The following ROCK2 variants were observed in gnomAD, a reference collection of about 807,000 sequenced individuals.
ROCK2 encodes the protein rho-associated protein kinase 2.
ROCK2 carries 61 observed loss-of-function variants against 195.1 expected under a neutral mutation model. The observed-to-expected ratio is 0.31, with a 90% CI of 0.25 to 0.39. The LOEUF (loss-of-function observed/expected upper bound fraction) is 0.39. ROCK2 is among the 10% of genes least tolerant of loss of function. ROCK2 has a pLI of 1.00. For synonymous variants in ROCK2, 504 were observed against 545.5 expected, an observed-to-expected ratio of 0.92 and a Z score of 1.06; for missense variants, 1,109 against 1,637.4, an observed-to-expected ratio of 0.68 and a Z score of 5.57.
At chr2:11,193,405 T>C (rs1018314188) in intron 30 of ROCK2, among the ~76,000 whole-genome samples, 3 of 151,978 alleles carry the variant, frequency 2.0e-5, no homozygotes, top group Admixed American at 6.6e-5. Flanking sequence ...AGGTACAAAA[T>C]TTACCTCCAT....
intron 32 of ROCK2, chr2:11,184,667 CCATTT>C (rs1385529003): frequency 1.6e-5 from 16 of 984,654 alleles, no homozygotes; most frequent in Non-Finnish European, 1.8e-5. Flanking sequence ...TTGATTTACC[CCATTT>C]ATTTCTTCAG....
At position 11,180,979 on chromosome 2, in the gene ROCK2, A is replaced by G. The variant is rs911415094; in HGVS notation, c.*2458T>C. On this transcript the variant is annotated 3_prime_UTR_variant, in exon 33 of 33. Coordinates refer to ENST00000315872, the MANE Select transcript of ROCK2 (RefSeq NM_004850.5). Reference sequence around the variant, plus strand: ...AATGTGAAGAATCTCCATGGGAGAGATTTTTTTTTCACCCTTCAGAATTAT... The same window carrying G: ...AATGTGAAGAATCTCCATGGGAGAGGTTTTTTTTTCACCCTTCAGAATTAT... 6.6e-6 allele frequency: 1 copy of G among 150,916 alleles called. No homozygotes were observed. Among genetic ancestry groups the G allele is most frequent in the African/African-American group, 2.4e-5 (1 of 41,158 alleles). 9.3% of individuals were successfully genotyped at this position (150,916 alleles called of 1,614,324 possible).
chr2:11,217,292 C>T, intron 11 of ROCK2, 123 bp from the exon 12 acceptor site: 1 of 739,860 alleles, frequency 1.4e-6, no homozygotes, highest in Non-Finnish European at 2.5e-6. Context: ...TATAATGGTA[C>T]AGTATTTGTA....
chr2:11,218,968 C>T lies in ROCK2; in HGVS notation c.1318G>A (p.Glu440Lys). The stretch of plus-strand genomic sequence containing the variant: ...CAGCAGTAAAAATGTATACGTACTT[C>T]ATTTTTCCTTGATTGTATGGAATCA... The part of the protein sequence containing the change: ...ETDSIQSRKN[E>K]ESQEIQKKLY... The change falls in exon 10 of 33, where the codon GAA becomes AAA. Residue 440 changes from glutamate (E) to lysine (K), a missense_variant and splice_region_variant. Glu to Lys is a moderately conservative substitution (Grantham distance 56). Around this residue, in one of 6 missense-constraint regions of ROCK2, gnomAD observed 542 missense variants for 672.0 expected, o/e 0.81. Transcript: ENST00000315872. The T allele has an allele frequency of 1.4e-6, 2 of 1,448,146 alleles. No homozygotes were observed. The allele number at this position is 1,448,146 out of a possible 1,614,324, so 89.7% of individuals were successfully genotyped here.
chr2:11,268,861 CTCTT>C (rs1426636101), intron 3 of ROCK2, among the ~76,000 whole-genome samples: 2 of 152,214 alleles, frequency 1.3e-5, no homozygotes, highest in East Asian at 3.9e-4. Flanking sequence ...AATATTTTGT[CTCTT>C]TCTTCTTCTG....
chr2:11,243,735 CAGGAAGACACG>C (rs1434469773), intron 4 of ROCK2, among the ~76,000 whole-genome samples: 2 of 152,074 alleles, frequency 1.3e-5, no homozygotes, highest in African/African-American at 4.8e-5. Flanking sequence ...AAGAAGAGCC[CAGGAAGACACG>C]ATAACTAAAT....
chr2:11,229,380 G>T (rs1664921501), intron 5 of ROCK2, among the ~76,000 whole-genome samples: 1 of 151,986 alleles, frequency 6.6e-6, no homozygotes, highest in Non-Finnish European at 1.5e-5. Context: ...CTGTTTAAAT[G>T]AACTGTGAGA....
chr2:11,342,003 C>A (rs924533701), intron 1 of ROCK2, among the ~76,000 whole-genome samples: 1 of 151,980 alleles, frequency 6.6e-6, no homozygotes, highest in South Asian at 2.1e-4. Context: ...ATTCTGTATA[C>A]GCTACCACAA....
chr2:11,293,564 T>C (rs1572372041), intron 1 of ROCK2, among the ~76,000 whole-genome samples: 2 of 152,232 alleles, frequency 1.3e-5, no homozygotes, highest in Admixed American at 6.5e-5. Flanking sequence ...CATGGCAAGA[T>C]AGGACCAGTA....
At chr2:11,309,056 A>G (rs1164825797) in intron 1 of ROCK2, 2 of 1,460,892 alleles carry the variant, frequency 1.4e-6, no homozygotes, top group East Asian at 2.3e-5. Flanking sequence ...TACCCAGACC[A>G]GTAGGCCGGA....
intron 1 of ROCK2, among the ~76,000 whole-genome samples, chr2:11,294,138 CAG>C (rs1036236551): frequency 9.7e-4 from 146 of 151,096 alleles, no homozygotes; most frequent in African/African-American, 3.0e-3. Flanking sequence ...GCCTGGGTGA[CAG>C]AGTGAGACTC....
intron 1 of ROCK2, among the ~76,000 whole-genome samples, chr2:11,295,989 A>AGAGGGGAGAGG (rs1329784247): frequency 4.3e-5 from 1 of 23,438 alleles, no homozygotes; most frequent in African/African-American, 9.3e-5. Context: ...AGAGAGAGAG[A>AGAGGGGAGAGG]GGAGAGAGAG....
intron 3 of ROCK2, among the ~76,000 whole-genome samples, chr2:11,263,118 A>C (rs1207209908): frequency 2.0e-5 from 3 of 152,192 alleles, no homozygotes; most frequent in African/African-American, 4.8e-5. Context: ...TATTCCAAAA[A>C]AGGAATTAAA....
intron 18 of ROCK2, among the ~76,000 whole-genome samples, 153 bp from the exon 19 acceptor site, chr2:11,208,600 T>C (rs1482483842): frequency 8.5e-6 from 1 of 117,880 alleles, no homozygotes; most frequent in Non-Finnish European, 2.0e-5. Context: ...TTTTTTCTTT[T>C]CTTTTTTTTT....
At chr2:11,301,850 A>G (rs2148217452) in intron 1 of ROCK2, among the ~76,000 whole-genome samples, 1 of 152,162 alleles carries the variant, frequency 6.6e-6, no homozygotes, top group South Asian at 2.1e-4. Context: ...AGTCAGGTTT[A>G]GAATTCCTTT....
At chr2:11,304,515 C>T (rs1667796099) in intron 1 of ROCK2, among the ~76,000 whole-genome samples, 1 of 152,178 alleles carries the variant, frequency 6.6e-6, no homozygotes, top group Non-Finnish European at 1.5e-5. Flanking sequence ...GGAATCATTG[C>T]AAATGTCTAC....
At chr2:11,305,821 G>A (rs957092225) in intron 1 of ROCK2, among the ~76,000 whole-genome samples, 2 of 152,128 alleles carry the variant, frequency 1.3e-5, no homozygotes, top group East Asian at 1.9e-4. Flanking sequence ...GGGGTACACA[G>A]GACCATTCTG....
chr2:11,208,289 C>T lies in ROCK2; in HGVS notation c.2362G>A (p.Asp788Asn). ...LLKQKDVLNE[D>N]VRNLTLKIEQ... is the part of the protein sequence containing the mutation. ...TCATTAGTACACTTAATACTTACAT[C>T]CTCATTTAGCACATCTTTCTGTTTA... The change falls in exon 19 of 33, where the codon GAT becomes AAT. Residue 788 changes from aspartate (D) to asparagine (N), a missense_variant and splice_region_variant. Physicochemically the swap from Asp to Asn is conservative, Grantham distance 23 (BLOSUM62 1). Coordinates refer to ENST00000315872, the MANE Select transcript of ROCK2 (RefSeq NM_004850.5). The T allele has an allele frequency of 7.1e-7, 1 of 1,415,236 alleles. No individual in the cohort carries two copies. Among genetic ancestry groups the T allele is most frequent in the Non-Finnish European group, 9.4e-7 (1 of 1,065,246 alleles). The allele number at this position is 1,415,236 out of a possible 1,614,324, so 87.7% of individuals were successfully genotyped here.
intron 3 of ROCK2, among the ~76,000 whole-genome samples, chr2:11,283,673 A>G (rs1667095036): frequency 6.6e-6 from 1 of 152,180 alleles, no homozygotes; most frequent in South Asian, 2.1e-4. Context: ...CATCAGGGAA[A>G]TGTCAAATTA....
Sources: gnomAD v4.1 joint callset for allele counts (sites outside exome capture counted in the v4.1 genomes callset) on GRCh38, gnomAD v4.1.1 for gene constraint, gnomAD v4.1.1 regional missense constraint, MANE v1.5 for transcripts, NCBI Gene and HGNC (gene_info 2026-07-23, HGNC 2026-07-21) for gene names.